The following COX16 variants were observed in gnomAD, a reference collection of about 807,000 sequenced individuals.
The protein encoded by COX16 is cytochrome c oxidase assembly factor COX16.
A neutral mutation model predicts 15.4 loss-of-function variants in COX16; 12 were observed. That is an observed-to-expected ratio of 0.78 (90% CI 0.50 to 1.26). The LOEUF is 1.26. Among genes scored for constraint, COX16 ranks in the 50% most tolerant of loss-of-function variants. The pLI, the probability that COX16 is intolerant of heterozygous loss-of-function variation, is 0.00. For missense variants in COX16, 124 were observed against 127.6 expected, an observed-to-expected ratio of 0.97 and a Z score of 0.14; for synonymous variants, 46 against 41.1, an observed-to-expected ratio of 1.12 and a Z score of -0.46.
intron 1 of COX16, among the ~76,000 whole-genome samples, chr14:70,356,537 T>A (rs898725750): frequency 6.6e-6 from 1 of 152,078 alleles, no homozygotes; most frequent in Non-Finnish European, 1.5e-5. Flanking sequence ...TTAAAAAGGC[T>A]ATGGAGAGAT....
intron 1 of COX16, among the ~76,000 whole-genome samples, chr14:70,351,488 C>T (rs944093493): frequency 3.3e-5 from 5 of 152,116 alleles, no homozygotes; most frequent in African/African-American, 1.2e-4. Flanking sequence ...CTCTCTTTAC[C>T]GTTAACACAA....
intron 1 of COX16, among the ~76,000 whole-genome samples, chr14:70,358,953 T>A (rs2140772992): frequency 6.6e-6 from 1 of 152,336 alleles, no homozygotes; most frequent in Admixed American, 6.5e-5. Context: ...CTGGCTACAA[T>A]GTGGCAGGCA....
chr14:70,348,410 T>C (rs1886845934), intron 1 of COX16, among the ~76,000 whole-genome samples: 2 of 152,136 alleles, frequency 1.3e-5, no homozygotes, highest in African/African-American at 4.8e-5. Flanking sequence ...AACCGCCCAA[T>C]ACCCTACACA....
chr14:70,327,319 A>T (rs1367585443), intron 3 of COX16, among the ~76,000 whole-genome samples: 1 of 151,980 alleles, frequency 6.6e-6, no homozygotes, highest in African/African-American at 2.4e-5. Flanking sequence ...TCTCATAAGT[A>T]ACAATGAAAA....
At chr14:70,342,762 C>T in intron 1 of COX16, 33 bp from the exon 2 acceptor site, 1 of 1,602,394 alleles carries the variant, frequency 6.2e-7, no homozygotes, top group South Asian at 1.1e-5. Flanking sequence ...TTAAGCAAAA[C>T]AGAAGACCAG....
In COX16 at chr14:70,326,444, G is replaced by T; in HGVS notation, c.210C>A (p.Ile70=). 7 of 1,581,510 alleles carry T rather than the reference G, an allele frequency of 4.4e-6. No individual in the cohort carries two copies. The highest frequency in any genetic ancestry group is 1.2e-5 in the South Asian group (1 of 84,506). The part of the protein sequence containing the change: ...KISLESEYEK[I]KDSKFDDWKN... Reference sequence around the variant, plus strand: ...TCCAGTCATCAAACTTGGAGTCTTTGATTTTCTATAGAACCACAAAAAATT... The same window carrying T: ...TCCAGTCATCAAACTTGGAGTCTTTTATTTTCTATAGAACCACAAAAAATT... Residue 70 remains isoleucine (I), a synonymous_variant, in exon 4 of 4, where the codon ATC becomes ATA. Transcript: ENST00000389912.
chr14:70,355,394 G>A (rs1188789835), intron 1 of COX16, among the ~76,000 whole-genome samples: 2 of 151,994 alleles, frequency 1.3e-5, no homozygotes, highest in Non-Finnish European at 2.9e-5. Context: ...CATACCTCAG[G>A]GCACAATGTT....
At chr14:70,353,491 G>GATAGAGAT (rs1555345807) in intron 1 of COX16, among the ~76,000 whole-genome samples, 3 of 149,042 alleles carry the variant, frequency 2.0e-5, no homozygotes, top group Non-Finnish European at 3.0e-5. Flanking sequence ...CACACACATA[G>GATAGAGAT]AGATAGATAG....
At chr14:70,330,539 G>A (rs1384324670) in intron 2 of COX16, among the ~76,000 whole-genome samples, 2 of 152,202 alleles carry the variant, frequency 1.3e-5, no homozygotes, top group African/African-American at 2.4e-5. Context: ...TAACAGGCCA[G>A]CTTCATATAT....
chr14:70,348,983 TCAG>T (rs1273987330), intron 1 of COX16, among the ~76,000 whole-genome samples: 3 of 152,094 alleles, frequency 2.0e-5, no homozygotes, highest in African/African-American at 4.8e-5. Context: ...TCTTTACTCC[TCAG>T]AAGAAAAGGA....
At chr14:70,347,460 G>A (rs1295562651) in intron 1 of COX16, among the ~76,000 whole-genome samples, 4 of 151,924 alleles carry the variant, frequency 2.6e-5, no homozygotes, top group African/African-American at 7.3e-5. Flanking sequence ...GGAAAACCCC[G>A]ACACCCACCT....
At chr14:70,342,151 G>C (rs1886643299) in intron 2 of COX16, among the ~76,000 whole-genome samples, 1 of 152,108 alleles carries the variant, frequency 6.6e-6, no homozygotes, top group Non-Finnish European at 1.5e-5. Context: ...AATGAAATAA[G>C]AAAGATTACT....
chr14:70,349,907 G>A (rs1886895405), intron 1 of COX16, among the ~76,000 whole-genome samples: 1 of 152,148 alleles, frequency 6.6e-6, no homozygotes, highest in Non-Finnish European at 1.5e-5. Context: ...AGGCACAGAT[G>A]TGTTTCCAGA....
intron 1 of COX16, among the ~76,000 whole-genome samples, chr14:70,351,193 C>T (rs1886943081): frequency 6.6e-6 from 1 of 152,132 alleles, no homozygotes; most frequent in African/African-American, 2.4e-5. Context: ...ACCACTGTTT[C>T]CAACTTATTG....
chr14:70,332,767 A>G (rs1886330341), intron 2 of COX16, among the ~76,000 whole-genome samples: 1 of 152,210 alleles, frequency 6.6e-6, no homozygotes, highest in Admixed American at 6.5e-5. Context: ...CAGATCCAGA[A>G]GGGGTCCAGT....
At chr14:70,341,108 T>C (rs1218248994) in intron 2 of COX16, among the ~76,000 whole-genome samples, 3 of 152,208 alleles carry the variant, frequency 2.0e-5, no homozygotes, top group African/African-American at 7.2e-5. Flanking sequence ...CCAAATGTCA[T>C]ATACTACCAT....
Position 70,349,349 on chromosome 14 carries a change from T to C in COX16, c.70-6620A>G, listed in dbSNP as rs149248033. On this transcript the variant is annotated intron_variant, in intron 1 of 3. Coordinates refer to ENST00000389912, the MANE Select transcript of COX16 (RefSeq NM_016468.7). ...AATAAACAGCTCCGCTATCTTCTAG[T>C]CTTGGTCTGTACCTTCTCCAGGTAA... is the stretch of plus-strand genomic sequence containing the variant. Among the ~76,000 whole-genome samples the C allele has an allele frequency of 2.0e-4, 31 of 152,338 alleles. No homozygotes were observed. In the East Asian group the frequency reaches 6.0e-3, roughly 29 times the overall value.
chr14:70,329,103 CT>C, intron 3 of COX16, 70 bp downstream of exon 3: 1 of 1,452,092 alleles, frequency 6.9e-7, no homozygotes, highest in Non-Finnish European at 9.3e-7. Context: ...TTCTGTACTA[CT>C]AATACTTTTA....
chr14:70,347,075 C>G (rs940245966), intron 1 of COX16, among the ~76,000 whole-genome samples: 17 of 152,066 alleles, frequency 1.1e-4, no homozygotes, highest in African/African-American at 4.1e-4. Flanking sequence ...ACACCACACC[C>G]CCGTCCGCAT....
Sources: gnomAD v4.1 joint callset for allele counts (sites outside exome capture counted in the v4.1 genomes callset) on GRCh38, gnomAD v4.1.1 for gene constraint, MANE v1.5 for transcripts, NCBI Gene and HGNC (gene_info 2026-07-23, HGNC 2026-07-21) for gene names.